Variants in CPSF4 observed in about 807,000 individuals in gnomAD.
The protein encoded by CPSF4 is cleavage and polyadenylation specificity factor subunit 4.
Under a neutral mutation model 37.7 loss-of-function variants are expected in CPSF4, and 11 were observed. The ratio of observed to expected loss-of-function variants is 0.29; its 90% CI spans 0.18 to 0.48. The LOEUF (loss-of-function observed/expected upper bound fraction) is 0.48, where lower values mean the gene tolerates loss of function less well. Among genes scored for constraint, CPSF4 ranks in the 20% least tolerant of loss-of-function variants. The pLI, the probability that CPSF4 is intolerant of heterozygous loss-of-function variation, is 0.99. For missense variants in CPSF4, 144 were observed against 359.5 expected, an observed-to-expected ratio of 0.40 and a Z score of 4.85; for synonymous variants, 132 against 135.9, an observed-to-expected ratio of 0.97 and a Z score of 0.20.
At chr7:99,455,967 C>T (rs1270915160) in intron 7 of CPSF4, among the ~76,000 whole-genome samples, 1 of 152,234 alleles carries the variant, frequency 6.6e-6, no homozygotes, top group Admixed American at 6.5e-5. Flanking sequence ...GCTGTTCCCT[C>T]CCATCTCCTG....
At chr7:99,443,098 G>A (rs1562855830) in intron 1 of CPSF4, 1 of 885,098 alleles carries the variant, frequency 1.1e-6, no homozygotes, top group Admixed American at 1.7e-5. Flanking sequence ...GGTGTGTTCA[G>A]ATGACAGACT....
intron 2 of CPSF4, among the ~76,000 whole-genome samples, chr7:99,445,621 C>T (rs565472392): frequency 7.9e-5 from 12 of 152,246 alleles, no homozygotes; most frequent in African/African-American, 2.4e-4. Context: ...TGGTGGCTTA[C>T]GCCTGTAATC....
In CPSF4 at chr7:99,457,329, T is replaced by G. The variant is rs538620153; in HGVS notation, c.*829T>G. On this transcript the variant is annotated 3_prime_UTR_variant, in exon 8 of 8. Coordinates refer to ENST00000292476, the MANE Select transcript of CPSF4 (RefSeq NM_006693.4). ...GGCATGTGGGCCTGGCTGTGTTCAATTGCAAGAACAATTTTTATGAAATGG... is the reference window on the plus strand; with the variant it reads ...GGCATGTGGGCCTGGCTGTGTTCAAGTGCAAGAACAATTTTTATGAAATGG... The G allele has an allele frequency of 1.3e-5, 2 of 152,796 alleles. No homozygotes were observed. The highest frequency in any genetic ancestry group is 1.3e-4 in the Admixed American group (2 of 15,300). 9.5% of individuals were successfully genotyped at this position (152,796 alleles called of 1,614,324 possible). A position where few individuals can be genotyped will look rare whatever the true frequency, so the allele number is the denominator to read the frequency against.
At chr7:99,441,152 T>C (rs1175140013) in intron 1 of CPSF4, among the ~76,000 whole-genome samples, 1 of 152,014 alleles carries the variant, frequency 6.6e-6, no homozygotes, top group Non-Finnish European at 1.5e-5. Flanking sequence ...GGTTTCACCA[T>C]GTTGGCCAGG....
At chr7:99,440,305 A>G (rs1796784292) in intron 1 of CPSF4, among the ~76,000 whole-genome samples, 1 of 152,110 alleles carries the variant, frequency 6.6e-6, no homozygotes, top group Non-Finnish European at 1.5e-5. Context: ...ACACCTTCTC[A>G]TGCACATGTG....
intron 1 of CPSF4, among the ~76,000 whole-genome samples, chr7:99,439,805 G>A (rs1170626626): frequency 6.6e-6 from 1 of 152,132 alleles, no homozygotes; most frequent in Non-Finnish European, 1.5e-5. Flanking sequence ...TTCTGTAGGA[G>A]ACCCCAGCTA....
At position 99,453,848 on chromosome 7, in the gene CPSF4, G is replaced by A. The variant is rs1798102114; in HGVS notation, c.571-118G>A. 1 of 934,864 alleles carries A rather than the reference G, an allele frequency of 1.1e-6. No homozygotes were observed. The highest frequency in any genetic ancestry group is 1.7e-6 in the Non-Finnish European group (1 of 604,466). 57.9% of individuals were successfully genotyped at this position (934,864 alleles called of 1,614,324 possible). A position where few individuals can be genotyped will look rare whatever the true frequency, so the allele number is the denominator to read the frequency against. ...CCACTGTCCTGAGGTGGGCCGTCGT[G>A]GAAGCCCTGCTTCCTGCCGTTTGCG... On this transcript the variant is annotated intron_variant, in intron 6 of 7. Coordinates refer to ENST00000292476, the MANE Select transcript of CPSF4 (RefSeq NM_006693.4). The surrounding 1 kb of genome is among the most constrained non-coding windows in gnomAD (Gnocchi z 4.7).
chr7:99,442,882 AT>A, intron 1 of CPSF4: 1 of 1,185,210 alleles, frequency 8.4e-7, no homozygotes. Flanking sequence ...AGAACCTTTC[AT>A]CAGGCAATGC....
intron 1 of CPSF4, chr7:99,443,093 G>T: frequency 1.1e-6 from 1 of 903,154 alleles, no homozygotes. Context: ...CCATAGGTGT[G>T]TTCAGATGAC....
rs532922417 is a variant in CPSF4 at position 99,454,705 on chromosome 7, G to T, written c.741+569G>T. Among the ~76,000 whole-genome samples, 13 of 152,284 alleles carry T rather than the reference G, an allele frequency of 8.5e-5. No individual in the cohort carries two copies. The South Asian group carries it at 2.7e-3, about 32-fold the overall frequency. ...TTAATGGGCCCTTATGTGAGTCTAGGCCTGTATTCATGTCCTTGGTTAAGG... is the reference window on the plus strand; with the variant it reads ...TTAATGGGCCCTTATGTGAGTCTAGTCCTGTATTCATGTCCTTGGTTAAGG... On this transcript the variant is annotated intron_variant, in intron 7 of 7. Coordinates refer to ENST00000292476, the MANE Select transcript of CPSF4 (RefSeq NM_006693.4).
Position 99,448,582 on chromosome 7 carries a change from G to A in CPSF4, c.307+309G>A, listed in dbSNP as rs768648795. ...CCCAAAGTGCTGGGATTACAGGCGTGAGCCACCACGCCTGGCCCCGCGCAT... is the reference window on the plus strand; with the variant it reads ...CCCAAAGTGCTGGGATTACAGGCGTAAGCCACCACGCCTGGCCCCGCGCAT... On this transcript the variant is annotated intron_variant, in intron 3 of 7. Transcript: ENST00000292476. This position sits in a 1 kb window ranked among gnomAD's most constrained non-coding sequence, Gnocchi z 4.4. 5.7e-4 allele frequency: 151 copies of A among 264,972 alleles called. No homozygotes were observed. The highest frequency in any genetic ancestry group is 9.3e-4 in the Non-Finnish European group (130 of 139,150). The allele number at this position is 264,972 out of a possible 1,614,324, so 16.4% of individuals were successfully genotyped here. A position where few individuals can be genotyped will look rare whatever the true frequency, so the allele number is the denominator to read the frequency against.
At position 99,440,674 on chromosome 7, in the gene CPSF4, A is replaced by ATAT; in HGVS notation, c.103+1490_103+1491insATT. Among the ~76,000 whole-genome samples, 9 of 88,088 alleles carry ATAT rather than the reference A, an allele frequency of 1.0e-4. No homozygotes were observed. The South Asian group carries it at 2.1e-3, about 21-fold the overall frequency. 57.8% of individuals were successfully genotyped at this position (88,088 alleles called of 152,430 possible). ...ACCTGGCATATATATATATATATAT[A>ATAT]TTTTTTTTTTTTTTTTTTTCCTGCC... On this transcript the variant is annotated intron_variant, in intron 1 of 7. Coordinates refer to ENST00000292476, the MANE Select transcript of CPSF4 (RefSeq NM_006693.4).
At chr7:99,447,791 G>A (rs1461928442) in intron 2 of CPSF4, 12 of 457,764 alleles carry the variant, frequency 2.6e-5, no homozygotes, top group Non-Finnish European at 4.0e-5. Context: ...GGATTTCACC[G>A]TGACAGCCAG....
Position 99,448,459 on chromosome 7 carries a change from CTTTTTTTTTTTT to C in CPSF4, c.307+196_307+207del. The C allele has an allele frequency of 6.2e-6, 2 of 320,910 alleles. No individual in the cohort carries two copies. The highest frequency in any genetic ancestry group is 6.3e-5 in the East Asian group (1 of 15,790). 19.9% of individuals were successfully genotyped at this position (320,910 alleles called of 1,614,324 possible). ...CAGTGTGGCTATTTTCTGCTCATCT[CTTTTTTTTTTTT>C]TTTTTTTTTAAAGACATAGGGTCTC... On this transcript the variant is annotated intron_variant, in intron 3 of 7. Transcript: ENST00000292476. The surrounding 1 kb of genome is among the most constrained non-coding windows in gnomAD (Gnocchi z 4.4).
rs1331302460 is a variant in CPSF4, at chr7:99,453,811, T to C, written c.571-155T>C. ...TGGCTTCTGCCATCATCACCACATGTTTCTCTGCTGCCCACTGTCCTGAGG... is the reference window on the plus strand; with the variant it reads ...TGGCTTCTGCCATCATCACCACATGCTTCTCTGCTGCCCACTGTCCTGAGG... On this transcript the variant is annotated intron_variant, in intron 6 of 7. Transcript: ENST00000292476. The surrounding 1 kb of genome is among the most constrained non-coding windows in gnomAD (Gnocchi z 4.7). The C allele has an allele frequency of 1.5e-6, 1 of 665,376 alleles. No individual in the cohort carries two copies. The highest frequency in any genetic ancestry group is 1.8e-5 in the African/African-American group (1 of 55,282). The allele number at this position is 665,376 out of a possible 1,614,324, so 41.2% of individuals were successfully genotyped here.
At chr7:99,440,664 ATATATATATATT>A (rs1796842058) in intron 1 of CPSF4, among the ~76,000 whole-genome samples, 1 of 89,004 alleles carries the variant, frequency 1.1e-5, no homozygotes, top group Non-Finnish European at 1.8e-5. Flanking sequence ...GCATATATAT[ATATATATATATT>A]TTTTTTTTTT....
chr7:99,443,566 C>T (rs1797216505), intron 1 of CPSF4: 1 of 578,468 alleles, frequency 1.7e-6, no homozygotes, highest in African/African-American at 1.9e-5. Context: ...TCAATCCTAG[C>T]ACTTTGGGAA....
chr7:99,443,313 T>C (rs879514564), intron 1 of CPSF4: 32 of 889,590 alleles, frequency 3.6e-5, no homozygotes, highest in Non-Finnish European at 4.4e-5. Context: ...GGGGTTTTTT[T>C]CTTCTTCTGT....
At chr7:99,443,258 TGCCA>T in intron 1 of CPSF4, 2 of 775,540 alleles carry the variant, frequency 2.6e-6, no homozygotes, top group South Asian at 2.7e-5. Context: ...TCTTCTCTGC[TGCCA>T]CATCAACAGT....
Sources: allele counts gnomAD v4.1 joint callset (sites outside exome capture counted in the v4.1 genomes callset), GRCh38; gene constraint gnomAD v4.1.1; non-coding constraint Gnocchi (gnomAD v3.1); transcripts MANE v1.5; gene names NCBI Gene and HGNC (gene_info 2026-07-23, HGNC 2026-07-21).